The following PAN3 variants were observed in gnomAD, a reference collection of about 807,000 sequenced individuals.
The protein encoded by PAN3 is poly(A) specific ribonuclease subunit PAN3.
PAN3 carries 19 observed loss-of-function variants against 96.2 expected under a neutral mutation model. That is an observed-to-expected ratio of 0.20 (90% confidence interval 0.14 to 0.29). PAN3 has a LOEUF of 0.29. PAN3 is among the 10% of genes least tolerant of loss of function. The probability of loss-of-function intolerance (pLI) is 1.00; values close to 1 mark genes in which losing one functional copy is unlikely to be tolerated. For synonymous variants in PAN3, 433 were observed against 406.6 expected, an observed-to-expected ratio of 1.06 and a Z score of -0.78; for missense variants, 882 against 1,108.1, an observed-to-expected ratio of 0.80 and a Z score of 2.90.
At chr13:28,209,224 A>G (rs1451383960) in intron 5 of PAN3, among the ~76,000 whole-genome samples, 1 of 152,162 alleles carries the variant, frequency 6.6e-6, no homozygotes, top group Non-Finnish European at 1.5e-5. Flanking sequence ...GACTGTATAT[A>G]CTATTGAAAA....
chr13:28,165,428 T>C (rs922437318), intron 1 of PAN3, among the ~76,000 whole-genome samples: 5 of 152,074 alleles, frequency 3.3e-5, no homozygotes, highest in Non-Finnish European at 7.4e-5. Flanking sequence ...TGGCCCCATT[T>C]CTTTTAAAAA....
At position 28,138,597 on chromosome 13, in the gene PAN3, C is replaced by G. The variant is rs1002305222; in HGVS notation, c.-61C>G. The stretch of plus-strand genomic sequence containing the variant: ...GCAGCGTCTTCCTTTCCTCCCCCGT[C>G]TATGGTGGTGGCGGCGGCGGCTCCT... On this transcript the variant is annotated 5_prime_UTR_variant, in exon 1 of 19. Coordinates refer to ENST00000380958, the MANE Select transcript of PAN3 (RefSeq NM_175854.8). 26 of 467,156 alleles carry G rather than the reference C, an allele frequency of 5.6e-5. No individual in the cohort carries two copies. Among genetic ancestry groups the G allele is most frequent in the Non-Finnish European group, 7.2e-6 (2 of 276,002 alleles). 28.9% of individuals were successfully genotyped at this position (467,156 alleles called of 1,614,324 possible). A position where few individuals can be genotyped will look rare whatever the true frequency, so the allele number is the denominator to read the frequency against.
At chr13:28,286,236 C>T (rs1417082162) in intron 17 of PAN3, among the ~76,000 whole-genome samples, 2 of 152,168 alleles carry the variant, frequency 1.3e-5, no homozygotes, top group Non-Finnish European at 2.9e-5. Flanking sequence ...GCCTGACAGC[C>T]AGGGTTTGGG....
chr13:28,241,684 CAG>C (rs913500865), intron 6 of PAN3, among the ~76,000 whole-genome samples: 1 of 152,098 alleles, frequency 6.6e-6, no homozygotes, highest in African/African-American at 2.4e-5. Flanking sequence ...GATATAAACA[CAG>C]TGTCTGTGTT....
chr13:28,288,224 T>A, intron 18 of PAN3, 102 bp downstream of exon 18: 1 of 1,043,118 alleles, frequency 9.6e-7, no homozygotes, highest in South Asian at 1.7e-5. Flanking sequence ...CAGGATGTAC[T>A]CTTAAAGTAG....
At chr13:28,147,639 A>G (rs1870845418) in intron 1 of PAN3, among the ~76,000 whole-genome samples, 1 of 152,216 alleles carries the variant, frequency 6.6e-6, no homozygotes, top group African/African-American at 2.4e-5. Flanking sequence ...CCATTGTGCA[A>G]CTTTGTGACA....
chr13:28,211,270 C>T (rs1184344601), intron 5 of PAN3, among the ~76,000 whole-genome samples: 3 of 152,112 alleles, frequency 2.0e-5, no homozygotes, highest in Non-Finnish European at 4.4e-5. Context: ...CCCTGTCTTT[C>T]TTTCTCATTA....
chr13:28,287,588 C>T (rs909723025), intron 17 of PAN3, among the ~76,000 whole-genome samples: 2 of 152,076 alleles, frequency 1.3e-5, no homozygotes, highest in Admixed American at 6.6e-5. Flanking sequence ...CTTTTTGTTT[C>T]CTAAACATTT....
At chr13:28,217,211 C>T (rs1385809395) in intron 5 of PAN3, among the ~76,000 whole-genome samples, 1 of 151,906 alleles carries the variant, frequency 6.6e-6, no homozygotes, top group Non-Finnish European at 1.5e-5. Flanking sequence ...CAGTAGGGAT[C>T]ATTTTTGAAA....
At chr13:28,265,025 A>G (rs1002889216) in intron 9 of PAN3, among the ~76,000 whole-genome samples, 1 of 152,184 alleles carries the variant, frequency 6.6e-6, no homozygotes, top group Non-Finnish European at 1.5e-5. Context: ...TCATTAGTAC[A>G]TAGTAGATGC....
chr13:28,248,929 T>C (rs777699068), intron 6 of PAN3, among the ~76,000 whole-genome samples: 8 of 152,210 alleles, frequency 5.3e-5, no homozygotes, highest in African/African-American at 1.2e-4. Flanking sequence ...ATGTTAAATA[T>C]TGGCAAATAT....
chr13:28,184,433 G>C (rs1271157509), intron 4 of PAN3, among the ~76,000 whole-genome samples: 1 of 152,136 alleles, frequency 6.6e-6, no homozygotes, highest in African/African-American at 2.4e-5. Context: ...AGAAGGGTAA[G>C]TTGACTGAGT....
chr13:28,289,721 A>G (rs1869486624), intron 18 of PAN3, among the ~76,000 whole-genome samples: 1 of 152,180 alleles, frequency 6.6e-6, no homozygotes, highest in Admixed American at 6.5e-5. Context: ...CCCTACTAAA[A>G]AATTAAAAAA....
intron 5 of PAN3, among the ~76,000 whole-genome samples, chr13:28,199,690 T>TA (rs971879946): frequency 6.6e-6 from 1 of 152,196 alleles, no homozygotes; most frequent in African/African-American, 2.4e-5. Flanking sequence ...TTGGAGTTTT[T>TA]ATCTTTTTCT....
chr13:28,146,296 C>CTGTG (rs1870625803), intron 1 of PAN3, among the ~76,000 whole-genome samples: 2 of 135,018 alleles, frequency 1.5e-5, no homozygotes, highest in African/African-American at 6.3e-5. Flanking sequence ...TTTCCTCTTT[C>CTGTG]TCTGTCTCTC....
intron 4 of PAN3, 132 bp from the exon 5 acceptor site, chr13:28,197,053 A>G: frequency 8.9e-7 from 1 of 1,129,434 alleles, no homozygotes; most frequent in Non-Finnish European, 1.2e-6. Context: ...TGGTAAGGAT[A>G]TTAGAAGGAG....
At chr13:28,262,621 A>G (rs897627565) in intron 9 of PAN3, among the ~76,000 whole-genome samples, 27 of 152,236 alleles carry the variant, frequency 1.8e-4, no homozygotes, top group Admixed American at 1.2e-3. Flanking sequence ...TTTAAAAAGA[A>G]AAAAAAATGG....
intron 5 of PAN3, among the ~76,000 whole-genome samples, chr13:28,205,245 T>A (rs1372682363): frequency 2.0e-5 from 3 of 152,170 alleles, no homozygotes; most frequent in Non-Finnish European, 2.9e-5. Context: ...TTGGACTTTG[T>A]AAAGGTGAAG....
chr13:28,164,951 AGGCTGGAGC>A (rs1265165896), intron 1 of PAN3, among the ~76,000 whole-genome samples: 1 of 152,224 alleles, frequency 6.6e-6, no homozygotes, highest in Non-Finnish European at 1.5e-5. Context: ...CTCTGTTGCC[AGGCTGGAGC>A]GCAGTGGCGC....
Sources: allele counts gnomAD v4.1 joint callset (sites outside exome capture counted in the v4.1 genomes callset), GRCh38; gene constraint gnomAD v4.1.1; transcripts MANE v1.5; gene names NCBI Gene and HGNC (gene_info 2026-07-23, HGNC 2026-07-21).